The following SLC35D1 variants were observed in gnomAD, a reference collection of about 807,000 sequenced individuals.
SLC35D1 encodes solute carrier family 35 member D1.
A neutral mutation model predicts 46.7 loss-of-function variants in SLC35D1; 31 were observed. That is an observed-to-expected ratio of 0.66 (90% CI 0.50 to 0.90). The LOEUF (loss-of-function observed/expected upper bound fraction) is 0.90, where lower values mean the gene tolerates loss of function less well. Among genes scored for constraint, SLC35D1 ranks in the 40% least tolerant of loss-of-function variants. The pLI is 0.00. For synonymous variants in SLC35D1, 195 were observed against 164.6 expected (o/e 1.18, Z -1.41); for missense variants, 397 against 426.2 (o/e 0.93, Z 0.60).
chr1:66,978,533 A>G, the SLC35D1 span, among the ~76,000 whole-genome samples: 1 of 152,230 alleles, frequency 6.6e-6, no homozygotes, highest in Non-Finnish European at 1.5e-5. Context: ...TTCCATTGGT[A>G]GTATTCAAGC....
Position 67,052,996 on chromosome 1 carries a change from A to C in SLC35D1, c.204-7T>G. 6.2e-7 allele frequency: 1 copy of C among 1,613,920 alleles called. No homozygotes were observed. The highest frequency in any genetic ancestry group is 1.1e-5 in the South Asian group (1 of 91,082). Reference sequence around the variant, plus strand: ...ACATAGTGAGGAGGGAAATCTACAAAAAGGGCAAAGAAAAAAACAAGATCA... The same window carrying C: ...ACATAGTGAGGAGGGAAATCTACAACAAGGGCAAAGAAAAAAACAAGATCA... On this transcript the variant is annotated splice_polypyrimidine_tract_variant and splice_region_variant and intron_variant, in intron 1 of 11. Coordinates refer to ENST00000235345, the MANE Select transcript of SLC35D1 (RefSeq NM_015139.3).
At position 67,042,226 on chromosome 1, in the gene SLC35D1, A is replaced by C; in HGVS notation, c.729+10T>G. 6.2e-7 allele frequency: 1 copy of C among 1,611,204 alleles called. No homozygotes were observed. The highest frequency in any genetic ancestry group is 8.5e-7 in the Non-Finnish European group (1 of 1,177,300). ...ACGTAAGCCATTAAACCGTAATTAG[A>C]AAGTCCTACCTTTTGTGCATCTCCT... On this transcript the variant is annotated intron_variant, in intron 8 of 11. Coordinates refer to ENST00000235345, the MANE Select transcript of SLC35D1 (RefSeq NM_015139.3).
At chr1:67,013,160 A>ATATATATATATATATATATATGTG in intron 10 of SLC35D1, among the ~76,000 whole-genome samples, 1 of 141,210 alleles carries the variant, frequency 7.1e-6, no homozygotes, top group South Asian at 2.2e-4. Context: ...TCCTGGAGAT[A>ATATATATATATATATATATATGTG]TATATATATC....
chr1:67,044,944 C>CT (rs1477220234), intron 7 of SLC35D1, among the ~76,000 whole-genome samples: 1 of 152,116 alleles, frequency 6.6e-6, no homozygotes, highest in Non-Finnish European at 1.5e-5. Flanking sequence ...GCCGTACTGC[C>CT]TTACTGCCTC....
chr1:67,001,033 G>A lies in SLC35D1; in HGVS notation c.*3307C>T, dbSNP rs2102218508. 1 of 152,336 alleles carries A rather than the reference G, an allele frequency of 6.6e-6. No homozygotes were observed. The highest frequency in any genetic ancestry group is 2.1e-4 in the South Asian group (1 of 4,810). The allele number at this position is 152,336 out of a possible 1,614,324, so 9.4% of individuals were successfully genotyped here. A position where few individuals can be genotyped will look rare whatever the true frequency, so the allele number is the denominator to read the frequency against. On this transcript the variant is annotated 3_prime_UTR_variant, in exon 12 of 12. Transcript: ENST00000235345. ...CTCAGGGTCCAGGTTTCCATATCTG[G>A]CTAAAGAATTACACACTCCTTGAAA...
At chr1:67,017,430 C>A (rs542502141) in intron 10 of SLC35D1, among the ~76,000 whole-genome samples, 2 of 152,126 alleles carry the variant, frequency 1.3e-5, no homozygotes, top group Non-Finnish European at 2.9e-5. Context: ...TCAAATTTTT[C>A]TTCCATTTTT....
rs1667384671 is a variant in SLC35D1 at position 67,003,506 on chromosome 1, G to A, written c.*834C>T. 1 of 152,238 alleles carries A rather than the reference G, an allele frequency of 6.6e-6. No individual in the cohort carries two copies. Among genetic ancestry groups the A allele is most frequent in the Admixed American group, 6.5e-5 (1 of 15,276 alleles). The allele number at this position is 152,238 out of a possible 1,614,324, so 9.4% of individuals were successfully genotyped here. ...GACATCTTCTGAATAGATTAACAGA[G>A]CTAAATTCTCAACCTTACCTGAGTC... On this transcript the variant is annotated 3_prime_UTR_variant, in exon 12 of 12. Transcript: ENST00000235345.
chr1:67,021,660 G>T (rs143948811), intron 8 of SLC35D1, 58 bp from the exon 9 acceptor site: 54 of 1,524,030 alleles, frequency 3.5e-5, no homozygotes, highest in Non-Finnish European at 4.5e-6. Context: ...CAGCTATCCC[G>T]TTTTAATGTA....
At chr1:67,042,013 A>G (rs1337354059) in intron 8 of SLC35D1, among the ~76,000 whole-genome samples, 1 of 152,230 alleles carries the variant, frequency 6.6e-6, no homozygotes, top group Non-Finnish European at 1.5e-5. Flanking sequence ...GGCAAGCACT[A>G]TTTTTATGTT....
intron 8 of SLC35D1, 93 bp from the exon 9 acceptor site, chr1:67,021,695 A>G (rs1282557083): frequency 7.7e-6 from 1 of 130,306 alleles, no homozygotes; most frequent in African/African-American, 3.2e-5. Flanking sequence ...TCTGCCTCCA[A>G]CACAGACACA....
At chr1:66,981,723 A>T in the SLC35D1 span, 1 of 1,419,704 alleles carries the variant, frequency 7.0e-7, no homozygotes, top group East Asian at 2.5e-5. Flanking sequence ...TTTAACCTCA[A>T]CTAATTTTTA....
chr1:66,990,254 A>T, the SLC35D1 span, among the ~76,000 whole-genome samples: 1 of 152,126 alleles, frequency 6.6e-6, no homozygotes, highest in Non-Finnish European at 1.5e-5. Context: ...ACACACCATG[A>T]ACATACGTGG....
downstream of SLC35D1, among the ~76,000 whole-genome samples, chr1:66,995,079 C>T (rs896409779): frequency 2.0e-5 from 3 of 152,114 alleles, no homozygotes; most frequent in African/African-American, 7.2e-5. Context: ...GCACAACAGC[C>T]TGCTCTATCT....
chr1:66,983,971 G>A, the SLC35D1 span, among the ~76,000 whole-genome samples: 3 of 152,140 alleles, frequency 2.0e-5, no homozygotes, highest in Non-Finnish European at 2.9e-5. Context: ...TGATACACCC[G>A]CCTTGGCCTC....
intron 8 of SLC35D1, among the ~76,000 whole-genome samples, chr1:67,040,810 T>C (rs1668227763): frequency 6.6e-6 from 1 of 152,230 alleles, no homozygotes; most frequent in Non-Finnish European, 1.5e-5. Flanking sequence ...AAAGAAACTT[T>C]ATATATTCCC....
chr1:67,021,621 C>T lies in SLC35D1; in HGVS notation c.730-19G>A. 6.2e-7 allele frequency: 1 copy of T among 1,607,618 alleles called. No homozygotes were observed. Among genetic ancestry groups the T allele is most frequent in the Non-Finnish European group, 8.5e-7 (1 of 1,175,898 alleles). Reference sequence around the variant, plus strand: ...CCACAGCCTGCAACACACAAGAAAGCATTAAATTTTAGACCAGGCCTTCAA... The same window carrying T: ...CCACAGCCTGCAACACACAAGAAAGTATTAAATTTTAGACCAGGCCTTCAA... On this transcript the variant is annotated intron_variant, in intron 8 of 11. Coordinates refer to ENST00000235345, the MANE Select transcript of SLC35D1 (RefSeq NM_015139.3).
rs759913642 is a variant in SLC35D1 at position 67,053,815 on chromosome 1, A to G, written c.199T>C (p.Tyr67His). 3 of 1,606,566 alleles carry G rather than the reference A, an allele frequency of 1.9e-6. No homozygotes were observed. In the South Asian group the frequency reaches 3.3e-5, roughly 18 times the overall value. ...CCGCCGCCGCCTCGGCCCTACCTGT[A>G]ATTGGTGAGCACGCTCTTATTCACC... ...VVVNKSVLTN[Y>H]RFPSSLCVGL... The change falls in exon 1 of 12, where the codon TAC becomes CAC. Residue 67 changes from tyrosine (Y) to histidine (H), a missense_variant. Tyr to His is a moderately conservative substitution (Grantham distance 83). Transcript: ENST00000235345.
chr1:67,008,741 C>G (rs1667502369), intron 11 of SLC35D1, among the ~76,000 whole-genome samples: 1 of 152,082 alleles, frequency 6.6e-6, no homozygotes. Context: ...CAGGGAACAA[C>G]AGTCCTAATG....
chr1:67,008,827 C>A (rs1274635286), intron 11 of SLC35D1, among the ~76,000 whole-genome samples: 1 of 152,070 alleles, frequency 6.6e-6, no homozygotes, highest in Non-Finnish European at 1.5e-5. Flanking sequence ...AGACTAGTCT[C>A]AAACTCCTGG....
Sources: gnomAD v4.1 joint callset for allele counts (sites outside exome capture counted in the v4.1 genomes callset) on GRCh38, gnomAD v4.1.1 for gene constraint, MANE v1.5 for transcripts, NCBI Gene and HGNC (gene_info 2026-07-23, HGNC 2026-07-21) for gene names.